METTL25: variants seen among roughly 807,000 people sequenced by gnomAD.
METTL25 encodes methyltransferase like 25, also known as probable methyltransferase-like protein 25.
METTL25 carries 64 observed loss-of-function variants against 71.6 expected under a neutral mutation model. The ratio of observed to expected loss-of-function variants is 0.89; its 90% confidence interval spans 0.73 to 1.10. The LOEUF (loss-of-function observed/expected upper bound fraction) is 1.10, where lower values mean the gene tolerates loss of function less well. METTL25 is among the 50% of genes least tolerant of loss of function. The pLI is 0.00. For missense variants in METTL25, 807 were observed against 707.0 expected (o/e 1.14, Z -1.60); for synonymous variants, 287 against 250.3 (o/e 1.15, Z -1.38).
chr12:82,431,062 T>C, intron 6 of METTL25, 75 bp downstream of exon 6: 1 of 865,456 alleles, frequency 1.2e-6, no homozygotes, highest in South Asian at 2.0e-5. Context: ...GCTAGTATCA[T>C]GCATTCAATG....
intron 9 of METTL25, among the ~76,000 whole-genome samples, chr12:82,473,319 T>C (rs1212543598): frequency 2.0e-5 from 3 of 152,090 alleles, no homozygotes; most frequent in Non-Finnish European, 1.5e-5. Context: ...TGCCAAGAGC[T>C]GCCCACAGGG....
chr12:82,435,476 C>G (rs1463300997), intron 7 of METTL25, among the ~76,000 whole-genome samples: 1 of 151,418 alleles, frequency 6.6e-6, no homozygotes, highest in Non-Finnish European at 1.5e-5. Flanking sequence ...AATATATACA[C>G]TGTGCCTATC....
At chr12:82,421,618 A>C (rs1353414898) in intron 5 of METTL25, among the ~76,000 whole-genome samples, 1 of 151,566 alleles carries the variant, frequency 6.6e-6, no homozygotes, top group Non-Finnish European at 1.5e-5. Flanking sequence ...CTTCAAAAAA[A>C]TAAAGATCAA....
At chr12:82,372,817 G>A (rs1004257929) in intron 1 of METTL25, among the ~76,000 whole-genome samples, 1 of 152,090 alleles carries the variant, frequency 6.6e-6, no homozygotes, top group Non-Finnish European at 1.5e-5. Flanking sequence ...GAACCCACAA[G>A]GGTCCCTGGA....
At chr12:82,476,539 G>A in intron 9 of METTL25, 105 bp from the exon 10 acceptor site, 1 of 744,658 alleles carries the variant, frequency 1.3e-6, no homozygotes, top group Non-Finnish European at 2.3e-6. Context: ...AGACACCTAA[G>A]GTTGTATTAA....
intron 1 of METTL25, among the ~76,000 whole-genome samples, chr12:82,369,242 A>G (rs1325807568): frequency 2.6e-5 from 4 of 152,232 alleles, no homozygotes; most frequent in Non-Finnish European, 4.4e-5. Context: ...TAGAGCACTT[A>G]GTCCACTGTG....
intron 3 of METTL25, among the ~76,000 whole-genome samples, chr12:82,392,392 G>T (rs537849805): frequency 3.3e-5 from 5 of 151,968 alleles, no homozygotes; most frequent in Admixed American, 2.6e-4. Context: ...TACTGAGAAT[G>T]ATGATTTCCA....
chr12:82,453,347 A>G (rs1891277552), intron 8 of METTL25, among the ~76,000 whole-genome samples: 1 of 152,192 alleles, frequency 6.6e-6, no homozygotes, highest in African/African-American at 2.4e-5. Context: ...CCTGTAACAC[A>G]GAGGTGGCCA....
At chr12:82,392,522 G>A (rs1179547434) in intron 3 of METTL25, among the ~76,000 whole-genome samples, 2 of 151,884 alleles carry the variant, frequency 1.3e-5, no homozygotes, top group Non-Finnish European at 2.9e-5. Flanking sequence ...ATGTATTCTG[G>A]TTGTTGATCC....
At chr12:82,361,586 T>A (rs943864288) in intron 1 of METTL25, among the ~76,000 whole-genome samples, 1 of 152,032 alleles carries the variant, frequency 6.6e-6, no homozygotes, top group Non-Finnish European at 1.5e-5. Flanking sequence ...TGAGGCCCGG[T>A]GAGAATTCAA....
At chr12:82,404,631 G>A (rs138805801) in intron 5 of METTL25, among the ~76,000 whole-genome samples, 1,628 of 152,188 alleles carry the variant, frequency 0.011, 20 homozygotes, top group Middle Eastern at 0.048. Context: ...ATTAATAAAT[G>A]GCTCAATTTG....
Position 82,358,757 on chromosome 12 carries a change from G to A in METTL25, c.192G>A (p.Lys64=). 1 of 1,614,046 alleles carries A rather than the reference G, an allele frequency of 6.2e-7. No homozygotes were observed. The highest frequency in any genetic ancestry group is 8.5e-7 in the Non-Finnish European group (1 of 1,179,982). The part of the protein sequence containing the change: ...PPETVLAALR[K]SASETEALPS... Reference sequence around the variant, plus strand: ...AGACAGTGCTGGCTGCGCTGAGGAAGTCAGCGTCGGAGACGGAGGCCCTGC... The same window carrying A: ...AGACAGTGCTGGCTGCGCTGAGGAAATCAGCGTCGGAGACGGAGGCCCTGC... The change falls in exon 1 of 12, where the codon AAG becomes AAA. Residue 64 remains lysine (K), a synonymous_variant. Coordinates refer to ENST00000248306, the MANE Select transcript of METTL25 (RefSeq NM_032230.3).
intron 5 of METTL25, among the ~76,000 whole-genome samples, chr12:82,423,189 CAG>C (rs1237361161): frequency 6.6e-6 from 1 of 152,158 alleles, no homozygotes; most frequent in African/African-American, 2.4e-5. Flanking sequence ...AGTACCAAAA[CAG>C]AGATGTAGAC....
Position 82,479,041 on chromosome 12 carries a change from T to C in METTL25, c.*17T>C. On this transcript the variant is annotated 3_prime_UTR_variant, in exon 12 of 12. Coordinates refer to ENST00000248306, the MANE Select transcript of METTL25 (RefSeq NM_032230.3). ...CAGCAGTGATTTCCATTGAAGCAAA[T>C]TATTAGATGTATTTCTCTATGAGAC... is the stretch of plus-strand genomic sequence containing the variant. The C allele has an allele frequency of 6.2e-7, 1 of 1,600,766 alleles. No individual in the cohort carries two copies. The highest frequency in any genetic ancestry group is 8.6e-7 in the Non-Finnish European group (1 of 1,168,598).
intron 8 of METTL25, among the ~76,000 whole-genome samples, chr12:82,447,901 C>T (rs1441890950): frequency 6.6e-6 from 1 of 152,004 alleles, no homozygotes; most frequent in Non-Finnish European, 1.5e-5. Context: ...ATATAGGCAC[C>T]TCATTATAAT....
intron 5 of METTL25, among the ~76,000 whole-genome samples, chr12:82,423,167 C>G (rs1271608546): frequency 3.9e-5 from 6 of 152,148 alleles, no homozygotes. Context: ...ATAACCAAAA[C>G]AGCATGGTAC....
At position 82,364,445 on chromosome 12, in the gene METTL25, G is replaced by C. The variant is rs565287483; in HGVS notation, c.259+5621G>C. 5.8e-4 allele frequency among the ~76,000 whole-genome samples: 89 copies of C among 152,306 alleles called. No homozygotes were observed. In the South Asian group the frequency reaches 0.018, roughly 31 times the overall value. On this transcript the variant is annotated intron_variant, in intron 1 of 11. Coordinates refer to ENST00000248306, the MANE Select transcript of METTL25 (RefSeq NM_032230.3). ...ACGTTCTTGTTTTTGTCTGCACTCAGACATGATTATGAAGTTGGCATGGTC... is the reference window on the plus strand; with the variant it reads ...ACGTTCTTGTTTTTGTCTGCACTCACACATGATTATGAAGTTGGCATGGTC...
chr12:82,438,512 CTTTTT>C, intron 7 of METTL25: 1 of 211,852 alleles, frequency 4.7e-6, no homozygotes, highest in Admixed American at 6.8e-5. Flanking sequence ...TTTATGGTTT[CTTTTT>C]TTTTTTTTTT....
rs146913317 is a variant in METTL25, at chr12:82,448,374, T to A, written c.1479-8353T>A. Among the ~76,000 whole-genome samples the A allele has an allele frequency of 2.6e-3, 401 of 152,138 alleles. 5 individuals are homozygous for A. The highest frequency in any genetic ancestry group is 0.023 in the Admixed American group (350 of 15,274). ...ATAATTGTGATTTAGCCCATTTATG[T>A]TAAAACTCAATAATTTATGGAAATT... On this transcript the variant is annotated intron_variant, in intron 8 of 11. Transcript: ENST00000248306.
Sources: gnomAD v4.1 joint callset for allele counts (sites outside exome capture counted in the v4.1 genomes callset) on GRCh38, gnomAD v4.1.1 for gene constraint, MANE v1.5 for transcripts, NCBI Gene and HGNC (gene_info 2026-07-23, HGNC 2026-07-21) for gene names.